Variants in RAPH1 observed in about 807,000 individuals in gnomAD.
RAPH1 encodes Ras association (RalGDS/AF-6) and pleckstrin homology domains 1, also known as ras-associated and pleckstrin homology domains-containing protein 1.
In RAPH1, 18 loss-of-function variants were observed where a neutral mutation model predicts 88.1. The ratio of observed to expected loss-of-function variants is 0.20; its 90% confidence interval spans 0.14 to 0.30. RAPH1 has a LOEUF of 0.30. Among genes scored for constraint, RAPH1 ranks in the 10% least tolerant of loss-of-function variants. The pLI is 1.00. For synonymous variants in RAPH1, 587 were observed against 559.0 expected (o/e 1.05, Z -0.71); for missense variants, 1,448 against 1,543.2 (o/e 0.94, Z 1.03).
In RAPH1 at chr2:203,441,543, T is replaced by G. The variant is rs2098504159; in HGVS notation, c.1777-130A>C. 4 of 1,387,732 alleles carry G rather than the reference T, an allele frequency of 2.9e-6. No individual in the cohort carries two copies. In the South Asian group the frequency reaches 5.4e-5, roughly 19 times the overall value. 86.0% of individuals were successfully genotyped at this position (1,387,732 alleles called of 1,614,324 possible). A position where few individuals can be genotyped will look rare whatever the true frequency, so the allele number is the denominator to read the frequency against. On this transcript the variant is annotated intron_variant, in intron 13 of 13. Transcript: ENST00000319170. ...GACATGCATGAAAAGGATGCAGAAG[T>G]TGGTGGTGATCATAAAGATGGACAA...
intron 4 of RAPH1, among the ~76,000 whole-genome samples, chr2:203,481,372 G>C (rs1687711680): frequency 6.6e-6 from 1 of 151,978 alleles, no homozygotes; most frequent in South Asian, 2.1e-4. Flanking sequence ...CCTCCACAAG[G>C]TGTTGGGCTC....
intron 1 of RAPH1, among the ~76,000 whole-genome samples, chr2:203,506,876 A>ATCTATATCTATATATC (rs1559495008): frequency 1.1e-5 from 1 of 90,398 alleles, no homozygotes; most frequent in East Asian, 2.5e-4. Context: ...ATATATATAT[A>ATCTATATCTATATATC]TATAGATATA....
Position 203,437,889 on chromosome 2 carries a change from G to T in RAPH1, c.*1548C>A. ...TACAAGATGTGCTCCCCTTATAAGT[G>T]CTGGGATGGCCCATTTTTATTCTCT... On this transcript the variant is annotated 3_prime_UTR_variant, in exon 14 of 14. Coordinates refer to ENST00000319170, the MANE Select transcript of RAPH1 (RefSeq NM_213589.3). The T allele has an allele frequency of 3.7e-6, 1 of 270,786 alleles. No homozygotes were observed. The highest frequency in any genetic ancestry group is 5.1e-5 in the Admixed American group (1 of 19,660). The allele number at this position is 270,786 out of a possible 1,614,324, so 16.8% of individuals were successfully genotyped here. A position where few individuals can be genotyped will look rare whatever the true frequency, so the allele number is the denominator to read the frequency against.
intron 1 of RAPH1, among the ~76,000 whole-genome samples, chr2:203,529,139 C>T (rs990646204): frequency 6.7e-6 from 1 of 150,072 alleles, no homozygotes; most frequent in African/African-American, 2.5e-5. Flanking sequence ...ATCACCATGC[C>T]TGCCTAATTT....
In RAPH1 at chr2:203,438,109, C is replaced by T; in HGVS notation, c.*1328G>A. 1 of 517,936 alleles carries T rather than the reference C, an allele frequency of 1.9e-6. No homozygotes were observed. The highest frequency in any genetic ancestry group is 1.4e-5 in the South Asian group (1 of 71,070). 32.1% of individuals were successfully genotyped at this position (517,936 alleles called of 1,614,324 possible). A position where few individuals can be genotyped will look rare whatever the true frequency, so the allele number is the denominator to read the frequency against. On this transcript the variant is annotated 3_prime_UTR_variant, in exon 14 of 14. Coordinates refer to ENST00000319170, the MANE Select transcript of RAPH1 (RefSeq NM_213589.3). ...ATAAAACGTAATGTCAGTTACTGGA[C>T]TTGGACTGTCCCACTCCATCAGAAC...
At chr2:203,490,251 A>C (rs1688198587) in intron 3 of RAPH1, among the ~76,000 whole-genome samples, 162 bp from the exon 4 acceptor site, 1 of 152,264 alleles carries the variant, frequency 6.6e-6, no homozygotes, top group African/African-American at 2.4e-5. Flanking sequence ...AAATTTTTAG[A>C]AGTACACAGT....
At chr2:203,504,936 A>C (rs529549251) in intron 1 of RAPH1, among the ~76,000 whole-genome samples, 81 of 152,256 alleles carry the variant, frequency 5.3e-4, no homozygotes, top group African/African-American at 1.8e-3. Flanking sequence ...TCCAGTTCCC[A>C]ACAAGTTCCT....
intron 1 of RAPH1, among the ~76,000 whole-genome samples, chr2:203,530,083 A>G (rs1261975603): frequency 6.6e-6 from 1 of 152,238 alleles, no homozygotes; most frequent in East Asian, 1.9e-4. Context: ...AAGAGCAAAT[A>G]CATATATACT....
chr2:203,440,274 G>C lies in RAPH1; in HGVS notation c.2916C>G (p.Pro972=). The change falls in exon 14 of 14, where the codon CCC becomes CCG. Residue 972 remains proline (P), a synonymous_variant. Coordinates refer to ENST00000319170, the MANE Select transcript of RAPH1 (RefSeq NM_213589.3). ...KTSSPGGKKP[P]PTPQRNSSIK... ...TGCTGGAGTTGCGCTGTGGGGTTGG[G>C]GGTGGTTTCTTTCCCCCAGGGCTGG... 1 of 1,613,902 alleles carries C rather than the reference G, an allele frequency of 6.2e-7. No individual in the cohort carries two copies. Among genetic ancestry groups the C allele is most frequent in the Non-Finnish European group, 8.5e-7 (1 of 1,180,010 alleles).
intron 1 of RAPH1, among the ~76,000 whole-genome samples, chr2:203,529,863 T>G (rs1690312039): frequency 6.6e-6 from 1 of 152,216 alleles, no homozygotes; most frequent in Non-Finnish European, 1.5e-5. Context: ...TTGTTCCTCC[T>G]TTTGTAAACT....
intron 1 of RAPH1, among the ~76,000 whole-genome samples, chr2:203,531,596 T>C (rs1054631157): frequency 6.6e-6 from 1 of 152,206 alleles, no homozygotes; most frequent in Non-Finnish European, 1.5e-5. Context: ...TCTCCTCAGA[T>C]ATACAAATGG....
rs1380626836 is a variant in RAPH1 at position 203,447,604 on chromosome 2, G to A, written c.1633+355C>T. ...AAAGGATATAGGAATCTGAAGGAGT[G>A]CAGCTTCTTCATGGTTTCTGAGTAC... On this transcript the variant is annotated intron_variant, in intron 12 of 13. Transcript: ENST00000319170. 7 of 159,354 alleles carry A rather than the reference G, an allele frequency of 4.4e-5. No homozygotes were observed. In the South Asian group the frequency reaches 5.7e-4, roughly 13 times the overall value. 9.9% of individuals were successfully genotyped at this position (159,354 alleles called of 1,614,324 possible). A position where few individuals can be genotyped will look rare whatever the true frequency, so the allele number is the denominator to read the frequency against.
chr2:203,506,786 A>ATC (rs1689047320), intron 1 of RAPH1, among the ~76,000 whole-genome samples: 1 of 123,514 alleles, frequency 8.1e-6, no homozygotes, highest in African/African-American at 3.5e-5. Flanking sequence ...ATATCTAGAT[A>ATC]TATATATCTA....
intron 2 of RAPH1, among the ~76,000 whole-genome samples, chr2:203,494,981 CAT>C (rs2105851677): frequency 6.6e-6 from 1 of 152,138 alleles, no homozygotes; most frequent in East Asian, 1.9e-4. Context: ...ATTTATGAAA[CAT>C]ATATTAAGTA....
chr2:203,439,811 G>C lies in RAPH1; in HGVS notation c.3379C>G (p.Arg1127Gly). ...KKAPPPTRPK[R>G]NDSTRLTQAE... ...TGAGTGAGGCGGGTGCTATCATTCC[G>C]TTTGGGTCGTGTGGGTGGAGGGGCC... The change falls in exon 14 of 14, where the codon CGG (arginine) becomes GGG (glycine). Residue 1127 changes from arginine (R) to glycine (G), a missense_variant. Arg to Gly is a moderately radical substitution (Grantham distance 125, BLOSUM62 -2). This residue lies in a region of RAPH1 where 935 missense variants were observed against 890.1 expected (regional missense o/e 1.05). Coordinates refer to ENST00000319170, the MANE Select transcript of RAPH1 (RefSeq NM_213589.3). The C allele has an allele frequency of 6.2e-7, 1 of 1,614,130 alleles. No homozygotes were observed.
intron 2 of RAPH1, among the ~76,000 whole-genome samples, chr2:203,492,847 G>T (rs1688332105): frequency 1.3e-5 from 2 of 151,230 alleles, no homozygotes; most frequent in South Asian, 4.2e-4. Context: ...TAAAGGGGTT[G>T]CTGAGAATTT....
intron 4 of RAPH1, among the ~76,000 whole-genome samples, chr2:203,472,294 G>A (rs976674951): frequency 2.0e-5 from 3 of 151,932 alleles, no homozygotes; most frequent in African/African-American, 4.8e-5. Context: ...CACCACACTC[G>A]GCTAATTTTG....
At position 203,519,628 on chromosome 2, in the gene RAPH1, A is replaced by G. The variant is rs1232324514; in HGVS notation, c.-1+15483T>C. Among the ~76,000 whole-genome samples, 3 of 152,346 alleles carry G rather than the reference A, an allele frequency of 2.0e-5. No homozygotes were observed. In the South Asian group the frequency reaches 6.2e-4, roughly 32 times the overall value. The stretch of plus-strand genomic sequence containing the variant: ...ACTCTGACCACTCTTTTTCAATATC[A>G]TACTGGAAATAACAAGATAATAATA... On this transcript the variant is annotated intron_variant, in intron 1 of 13. Transcript: ENST00000319170.
At chr2:203,481,541 A>C (rs1244977465) in intron 4 of RAPH1, among the ~76,000 whole-genome samples, 1 of 148,756 alleles carries the variant, frequency 6.7e-6, no homozygotes, top group Non-Finnish European at 1.5e-5. Flanking sequence ...TTTTTGTTTT[A>C]TAGCCCCTAT....
Sources: allele counts gnomAD v4.1 joint callset (sites outside exome capture counted in the v4.1 genomes callset), GRCh38; gene constraint gnomAD v4.1.1; regional missense constraint gnomAD v4.1.1; transcripts MANE v1.5; gene names NCBI Gene and HGNC (gene_info 2026-07-23, HGNC 2026-07-21).